Variants in PCDHA7 observed in about 807,000 individuals in gnomAD.
PCDHA7 encodes protocadherin alpha-7.
PCDHA7 carries 37 observed loss-of-function variants against 57.2 expected under a neutral mutation model. The observed-to-expected ratio is 0.65, with a 90% CI of 0.50 to 0.85. The LOEUF is 0.85. PCDHA7 is among the 40% of genes least tolerant of loss of function. PCDHA7 has a pLI of 0.00. For missense variants in PCDHA7, 1,188 were observed against 1,241.8 expected (o/e 0.96, Z 0.65); for synonymous variants, 553 against 558.8 (o/e 0.99, Z 0.15).
At chr5:140,873,657 C>CTA in intron 1 of PCDHA7, among the ~76,000 whole-genome samples, 1 of 152,206 alleles carries the variant, frequency 6.6e-6, no homozygotes, top group South Asian at 2.1e-4. Context: ...ACATAACACA[C>CTA]TATTATTATT....
intron 1 of PCDHA7, among the ~76,000 whole-genome samples, chr5:140,925,742 AAG>A (rs1403200881): frequency 2.0e-5 from 3 of 151,862 alleles, no homozygotes; most frequent in South Asian, 4.2e-4. Context: ...TATTTACAGA[AAG>A]AAAATTTACA....
intron 1 of PCDHA7, among the ~76,000 whole-genome samples, chr5:140,965,537 A>T (rs528440377): frequency 1.3e-5 from 2 of 152,204 alleles, no homozygotes; most frequent in East Asian, 3.9e-4. Context: ...ATGGAATCCA[A>T]ATTCCAGCCT....
At chr5:140,877,637 G>C in intron 1 of PCDHA7, 1 of 1,613,638 alleles carries the variant, frequency 6.2e-7, no homozygotes, top group South Asian at 1.1e-5. Context: ...ACTGCGCTGC[G>C]TTGCTCAGCG....
chr5:140,877,225 G>T, intron 1 of PCDHA7: 1 of 1,613,746 alleles, frequency 6.2e-7, no homozygotes, highest in South Asian at 1.1e-5. Context: ...ACCGCGGTCG[G>T]TGGGTGCGGG....
chr5:140,885,936 T>G (rs994325798), intron 1 of PCDHA7, among the ~76,000 whole-genome samples: 5 of 152,198 alleles, frequency 3.3e-5, no homozygotes, highest in Admixed American at 6.5e-5. Context: ...ATCTATTTTT[T>G]GACATTTTTA....
rs546596358 is a variant in PCDHA7, at chr5:140,863,481, A to G, written c.2355+26743A>G. The G allele has an allele frequency of 1.2e-4, 54 of 468,998 alleles. No homozygotes were observed. The Middle Eastern group carries it at 1.4e-3, about 12-fold the overall frequency. The allele number at this position is 468,998 out of a possible 1,614,324, so 29.1% of individuals were successfully genotyped here. Reference sequence around the variant, plus strand: ...ATTTTACTCTGGAGAGTCGCCTCCCAAGGTCAACATTACGGCTTTTAGTCC... The same window carrying G: ...ATTTTACTCTGGAGAGTCGCCTCCCGAGGTCAACATTACGGCTTTTAGTCC... On this transcript the variant is annotated intron_variant, in intron 1 of 3. Coordinates refer to ENST00000525929, the MANE Select transcript of PCDHA7 (RefSeq NM_018910.3).
intron 1 of PCDHA7, chr5:140,843,260 C>T: frequency 6.3e-7 from 1 of 1,596,130 alleles, no homozygotes; most frequent in Non-Finnish European, 8.6e-7. Flanking sequence ...GCGCCACCGT[C>T]TGCTGGTCCT....
chr5:140,850,267 T>C, intron 1 of PCDHA7: 1 of 1,592,602 alleles, frequency 6.3e-7, no homozygotes, highest in Non-Finnish European at 8.6e-7. Flanking sequence ...GGCGTAGTGG[T>C]GGGGAAGGTG....
At chr5:140,883,924 G>T (rs1554180605) in intron 1 of PCDHA7, 14 of 1,613,506 alleles carry the variant, frequency 8.7e-6, no homozygotes, top group Non-Finnish European at 1.1e-5. Context: ...TGACGCTGCA[G>T]GTGTTCGTGC....
In PCDHA7 at chr5:140,856,803, A is replaced by C. The variant is rs782347816; in HGVS notation, c.2355+20065A>C. On this transcript the variant is annotated intron_variant, in intron 1 of 3. Coordinates refer to ENST00000525929, the MANE Select transcript of PCDHA7 (RefSeq NM_018910.3). ...CCGGTTTATGAAGTTAAGATGTATGAAAATCAAGTGAACCAAACATTAGTA... is the reference window on the plus strand; with the variant it reads ...CCGGTTTATGAAGTTAAGATGTATGCAAATCAAGTGAACCAAACATTAGTA... 9.4e-6 allele frequency: 15 copies of C among 1,595,568 alleles called. 2 individuals are homozygous for C. In the Admixed American group the frequency reaches 1.2e-4, roughly 13 times the overall value.
At chr5:140,849,775 C>T (rs369759015) in intron 1 of PCDHA7, 5 of 1,598,318 alleles carry the variant, frequency 3.1e-6, no homozygotes, top group African/African-American at 1.3e-5. Context: ...GTGGTTACCG[C>T]GCGGGACGGG....
At chr5:140,979,399 G>T (rs1352440599) in intron 2 of PCDHA7, among the ~76,000 whole-genome samples, 1 of 151,708 alleles carries the variant, frequency 6.6e-6, no homozygotes. Flanking sequence ...CATACATGTT[G>T]TCTACCTTGT....
intron 3 of PCDHA7, among the ~76,000 whole-genome samples, chr5:141,000,228 G>C (rs994042672): frequency 3.3e-5 from 5 of 151,306 alleles, no homozygotes; most frequent in Non-Finnish European, 2.9e-5. Context: ...CCTGTGTGGA[G>C]CTGAATGTGG....
intron 1 of PCDHA7, among the ~76,000 whole-genome samples, chr5:140,970,706 A>G (rs1266484266): frequency 6.6e-6 from 1 of 152,224 alleles, no homozygotes; most frequent in Non-Finnish European, 1.5e-5. Context: ...CTACTACACA[A>G]TGTGTGAACA....
At chr5:140,891,196 A>C (rs1043715116) in intron 1 of PCDHA7, among the ~76,000 whole-genome samples, 5 of 151,974 alleles carry the variant, frequency 3.3e-5, no homozygotes, top group Non-Finnish European at 7.4e-5. Context: ...GATATTTTGC[A>C]GTTTTACCAT....
chr5:141,004,274 A>T (rs2098160407), intron 3 of PCDHA7, among the ~76,000 whole-genome samples: 1 of 152,212 alleles, frequency 6.6e-6, no homozygotes, highest in Admixed American at 6.5e-5. Flanking sequence ...CACAGTCTAC[A>T]TGCTGCTGAG....
chr5:140,973,388 G>T (rs1192097180), intron 1 of PCDHA7, among the ~76,000 whole-genome samples: 4 of 152,202 alleles, frequency 2.6e-5, no homozygotes, highest in South Asian at 4.1e-4. Flanking sequence ...AATAGACAAA[G>T]AAATCATATC....
intron 2 of PCDHA7, among the ~76,000 whole-genome samples, chr5:140,982,084 A>G (rs2096965344): frequency 6.6e-6 from 1 of 152,266 alleles, no homozygotes; most frequent in East Asian, 1.9e-4. Flanking sequence ...TAGAGAACCT[A>G]GGAACAAGAG....
At chr5:140,894,446 T>TA (rs2064476840) in intron 1 of PCDHA7, among the ~76,000 whole-genome samples, 2 of 152,118 alleles carry the variant, frequency 1.3e-5, no homozygotes, top group East Asian at 3.9e-4. Flanking sequence ...AGCTCTTTTT[T>TA]AAAAAATATT....
Sources: gnomAD v4.1 joint callset for allele counts (sites outside exome capture counted in the v4.1 genomes callset) on GRCh38, gnomAD v4.1.1 for gene constraint, MANE v1.5 for transcripts, NCBI Gene and HGNC (gene_info 2026-07-23, HGNC 2026-07-21) for gene names.